KCNQ3: variants seen among roughly 807,000 people sequenced by gnomAD.
KCNQ3 encodes potassium voltage-gated channel subfamily Q member 3.
In KCNQ3, 30 loss-of-function variants were observed where a neutral mutation model predicts 92.5. The ratio of observed to expected loss-of-function variants is 0.32; its 90% CI spans 0.24 to 0.44. The LOEUF (loss-of-function observed/expected upper bound fraction) is 0.44, where lower values mean the gene tolerates loss of function less well. Ranked by LOEUF, KCNQ3 falls within the 20% of genes least tolerant of loss-of-function variation. The pLI is 1.00. For missense variants in KCNQ3, 913 were observed against 1,140.3 expected (o/e 0.80, Z 2.87); for synonymous variants, 450 against 468.8 (o/e 0.96, Z 0.52).
rs547974661 is a variant in KCNQ3 at position 132,272,936 on chromosome 8, A to C, written c.387-86755T>G. On this transcript the variant is annotated intron_variant, in intron 1 of 14. Coordinates refer to ENST00000388996, the MANE Select transcript of KCNQ3 (RefSeq NM_004519.4). ...TCTTAATTCATTTTAGCATTAACTC[A>C]AAAGTACACAGTCTGAAGTCTCATC... Among the ~76,000 whole-genome samples the C allele has an allele frequency of 5.3e-5, 8 of 152,296 alleles. No individual in the cohort carries two copies. The East Asian group carries it at 1.5e-3, about 29-fold the overall frequency.
intron 1 of KCNQ3, among the ~76,000 whole-genome samples, chr8:132,304,197 A>G (rs1483485593): frequency 6.6e-6 from 1 of 152,208 alleles, no homozygotes; most frequent in Non-Finnish European, 1.5e-5. Context: ...CCTATTGGGT[A>G]CGATGTACAC....
intron 1 of KCNQ3, chr8:132,187,245 C>A (rs758881240): frequency 2.2e-6 from 1 of 456,022 alleles, no homozygotes; most frequent in South Asian, 1.5e-5. Flanking sequence ...ATTTAAATGG[C>A]AGACGTTGCG....
At chr8:132,471,052 T>C (rs1822288729) in intron 1 of KCNQ3, among the ~76,000 whole-genome samples, 1 of 152,212 alleles carries the variant, frequency 6.6e-6, no homozygotes. Flanking sequence ...GATTTCTCTC[T>C]TATGGTACCT....
rs143773649 is a variant in KCNQ3, at chr8:132,148,202, C to T, written c.1263-6871G>A. 5.9e-5 allele frequency among the ~76,000 whole-genome samples: 9 copies of T among 152,232 alleles called. No individual in the cohort carries two copies. The South Asian group carries it at 1.5e-3, about 25-fold the overall frequency. ...AAAAGAAAGGGGGTCTGGAACTTGA[C>T]GGGCCTTCCTTAAATGGTATAAACA... On this transcript the variant is annotated intron_variant, in intron 9 of 14. Coordinates refer to ENST00000388996, the MANE Select transcript of KCNQ3 (RefSeq NM_004519.4).
At chr8:132,250,021 T>C (rs1815347232) in intron 1 of KCNQ3, among the ~76,000 whole-genome samples, 1 of 152,042 alleles carries the variant, frequency 6.6e-6, no homozygotes, top group South Asian at 2.1e-4. Flanking sequence ...CAGCCCCAGT[T>C]CCCACCCGTG....
At chr8:132,233,000 A>G (rs1814690898) in intron 1 of KCNQ3, among the ~76,000 whole-genome samples, 1 of 152,234 alleles carries the variant, frequency 6.6e-6, no homozygotes, top group African/African-American at 2.4e-5. Flanking sequence ...TGTCTCTGGC[A>G]TTGCTAAGCT....
chr8:132,176,091 TA>T (rs1826542389), intron 4 of KCNQ3, among the ~76,000 whole-genome samples: 1 of 152,180 alleles, frequency 6.6e-6, no homozygotes, highest in Non-Finnish European at 1.5e-5. Flanking sequence ...CAAATCTCAG[TA>T]TCTTCATTTG....
At chr8:132,358,213 C>A (rs1160789844) in intron 1 of KCNQ3, among the ~76,000 whole-genome samples, 1 of 152,212 alleles carries the variant, frequency 6.6e-6, no homozygotes, top group Non-Finnish European at 1.5e-5. Flanking sequence ...AAGGCCTCAG[C>A]TTCTTCCACT....
chr8:132,175,351 G>T, intron 5 of KCNQ3, 102 bp downstream of exon 5: 1 of 1,335,130 alleles, frequency 7.5e-7, no homozygotes, highest in Non-Finnish European at 1.1e-6. Flanking sequence ...TCTGACTGCA[G>T]AATGCAGCTG....
chr8:132,300,281 C>T (rs1320079659), intron 1 of KCNQ3, among the ~76,000 whole-genome samples: 1 of 152,154 alleles, frequency 6.6e-6, no homozygotes, highest in Non-Finnish European at 1.5e-5. Flanking sequence ...CCCTTTGCTG[C>T]CGTTTCATGT....
chr8:132,317,537 C>CACCTGTGGTGCT (rs1273121717), intron 1 of KCNQ3, among the ~76,000 whole-genome samples: 2 of 152,314 alleles, frequency 1.3e-5, no homozygotes, highest in South Asian at 2.1e-4. Flanking sequence ...GGCGTCCAGT[C>CACCTGTGGTGCT]ACCTGTGGTG....
rs1466350436 is a variant in KCNQ3, at chr8:132,382,082, C to T, written c.386+98065G>A. ...AGGACTGCCTCCCAGGGCAGGCTGG[C>T]CAGAAGGCATACTGTAATACAGTTT... On this transcript the variant is annotated intron_variant, in intron 1 of 14. Transcript: ENST00000388996. Among the ~76,000 whole-genome samples the T allele has an allele frequency of 2.0e-5, 3 of 152,340 alleles. No homozygotes were observed. The East Asian group carries it at 5.8e-4, about 29-fold the overall frequency.
At chr8:132,230,433 CAGAGAGAGAGAGAGACAGAGAGAG>C (rs972389071) in intron 1 of KCNQ3, among the ~76,000 whole-genome samples, 6 of 131,084 alleles carry the variant, frequency 4.6e-5, no homozygotes, top group Non-Finnish European at 8.1e-5. Context: ...CCACCACAGG[CAGAGAGAGAGAGAGACAGAGAGAG>C]AGAGAGAGAG....
At chr8:132,360,789 G>A (rs1476110360) in intron 1 of KCNQ3, among the ~76,000 whole-genome samples, 1 of 152,122 alleles carries the variant, frequency 6.6e-6, no homozygotes, top group Non-Finnish European at 1.5e-5. Context: ...TGTCTGTTTT[G>A]ATCTTCAGAA....
intron 1 of KCNQ3, among the ~76,000 whole-genome samples, chr8:132,428,903 A>G (rs973760780): frequency 1.3e-5 from 2 of 152,144 alleles, no homozygotes; most frequent in South Asian, 4.1e-4. Flanking sequence ...AAACCTCCAA[A>G]CAGAACATCA....
intron 9 of KCNQ3, among the ~76,000 whole-genome samples, chr8:132,148,980 A>G (rs375447115): frequency 3.9e-5 from 6 of 152,224 alleles, no homozygotes; most frequent in Non-Finnish European, 8.8e-5. Context: ...AAACCTCGCT[A>G]TATTCCATTG....
chr8:132,330,754 T>C lies in KCNQ3; in HGVS notation c.387-144573A>G, dbSNP rs144790817. Among the ~76,000 whole-genome samples, 572 of 152,326 alleles carry C rather than the reference T, an allele frequency of 3.8e-3. 3 individuals carry two copies. Among genetic ancestry groups the C allele is most frequent in the African/African-American group, 0.013 (533 of 41,572 alleles). On this transcript the variant is annotated intron_variant, in intron 1 of 14. Transcript: ENST00000388996. ...ACTTTATAAGGCTTATATAAGATGA[T>C]GGTGATACACACTTGCAGCTGGAGG...
At chr8:132,301,676 T>A (rs889486143) in intron 1 of KCNQ3, among the ~76,000 whole-genome samples, 1 of 151,978 alleles carries the variant, frequency 6.6e-6, no homozygotes, top group African/African-American at 2.4e-5. Flanking sequence ...CCTAAGATGA[T>A]CCCCCAGATT....
chr8:132,245,098 C>T (rs1815124076), intron 1 of KCNQ3, among the ~76,000 whole-genome samples: 2 of 152,172 alleles, frequency 1.3e-5, no homozygotes, highest in East Asian at 3.9e-4. Flanking sequence ...ATAATTTGTG[C>T]CTGTTCATAG....
Sources: gnomAD v4.1 joint callset for allele counts (sites outside exome capture counted in the v4.1 genomes callset) on GRCh38, gnomAD v4.1.1 for gene constraint, MANE v1.5 for transcripts, NCBI Gene and HGNC (gene_info 2026-07-23, HGNC 2026-07-21) for gene names.